The following THSD7B variants were observed in gnomAD, a reference collection of about 807,000 sequenced individuals.
THSD7B encodes thrombospondin type-1 domain-containing protein 7B.
THSD7B carries 138 observed loss-of-function variants against 213.6 expected under a neutral mutation model. The ratio of observed to expected loss-of-function variants is 0.65; its 90% confidence interval spans 0.56 to 0.74. THSD7B has a LOEUF of 0.74. THSD7B is among the 30% of genes least tolerant of loss of function. The pLI is 0.00. For synonymous variants in THSD7B, 742 were observed against 687.0 expected (o/e 1.08, Z -1.25); for missense variants, 1,931 against 1,991.5 (o/e 0.97, Z 0.58).
intron 2 of THSD7B, among the ~76,000 whole-genome samples, chr2:136,943,246 G>C (rs1462355010): frequency 1.3e-5 from 2 of 152,202 alleles, no homozygotes; most frequent in East Asian, 3.8e-4. Flanking sequence ...GATTGTGGTG[G>C]ATAAGCTTTT....
At chr2:136,934,032 A>C (rs2105051874) in intron 2 of THSD7B, among the ~76,000 whole-genome samples, 1 of 152,316 alleles carries the variant, frequency 6.6e-6, no homozygotes, top group East Asian at 1.9e-4. Context: ...CTTTCTCTAC[A>C]AGCCTCATTG....
intron 2 of THSD7B, among the ~76,000 whole-genome samples, chr2:136,932,559 C>A (rs1429137354): frequency 6.6e-6 from 1 of 152,002 alleles, no homozygotes; most frequent in Non-Finnish European, 1.5e-5. Context: ...ATTTTATATA[C>A]CATATTCTTA....
At chr2:136,806,906 A>G (rs1002272174) in intron 1 of THSD7B, among the ~76,000 whole-genome samples, 2 of 152,108 alleles carry the variant, frequency 1.3e-5, no homozygotes, top group Admixed American at 6.5e-5. Context: ...TGAAGAGTTC[A>G]TAGTCAGGGA....
At chr2:137,021,376 T>C (rs1320388291) in intron 2 of THSD7B, among the ~76,000 whole-genome samples, 2 of 152,202 alleles carry the variant, frequency 1.3e-5, no homozygotes, top group African/African-American at 2.4e-5. Flanking sequence ...TTGCATAGTT[T>C]TGATGTCTGG....
intron 15 of THSD7B, among the ~76,000 whole-genome samples, chr2:137,541,681 T>A (rs1445693957): frequency 6.6e-6 from 1 of 151,702 alleles, no homozygotes; most frequent in Non-Finnish European, 1.5e-5. Context: ...TTTAAATATG[T>A]TCAAAGCACT....
At chr2:137,384,476 C>T (rs550992354) in intron 12 of THSD7B, among the ~76,000 whole-genome samples, 2 of 152,082 alleles carry the variant, frequency 1.3e-5, no homozygotes, top group African/African-American at 2.4e-5. Context: ...CTCTTTCTGC[C>T]AGCATGGGTG....
intron 12 of THSD7B, among the ~76,000 whole-genome samples, chr2:137,346,188 C>T (rs1024560724): frequency 4.6e-4 from 69 of 151,644 alleles, no homozygotes; most frequent in African/African-American, 1.6e-3. Context: ...TGCAACAGAT[C>T]TCTAGAACAG....
rs1332713279 is a variant in THSD7B at position 136,933,108 on chromosome 2, A to ATTCATTCCTTCCTTCCTTCCTTCC, written c.139+50794_139+50795insATTCCTTCCTTCCTTCCTTCCTTC. 4.6e-5 allele frequency among the ~76,000 whole-genome samples: 6 copies of ATTCATTCCTTCCTTCCTTCCTTCC among 130,776 alleles called. No individual in the cohort carries two copies. The South Asian group carries it at 8.1e-4, about 18-fold the overall frequency. 85.8% of individuals were successfully genotyped at this position (130,776 alleles called of 152,430 possible). On this transcript the variant is annotated intron_variant, in intron 2 of 27. Transcript: ENST00000409968. ...TTGTAGATTATATATTTTGCCCGCCATTCCTTCCTTCCTTCCTTCCTTCCT... is the reference window on the plus strand; with the variant it reads ...TTGTAGATTATATATTTTGCCCGCCATTCATTCCTTCCTTCCTTCCTTCCTTCCTTCCTTCCTTCCTTCCTTCCT...
At chr2:137,074,716 G>T (rs1292190214) in intron 3 of THSD7B, among the ~76,000 whole-genome samples, 1 of 152,124 alleles carries the variant, frequency 6.6e-6, no homozygotes. Context: ...TTTTGCAGTG[G>T]CTGGTTCCGG....
At position 137,344,923 on chromosome 2, in the gene THSD7B, A is replaced by T. The variant is rs560176217; in HGVS notation, c.2501-60690A>T. On this transcript the variant is annotated intron_variant, in intron 12 of 27. Transcript: ENST00000409968. ...GGGAGCCTGATATCTGGTAACTTAT[A>T]AGAATAAGACAAGTTGGTGATACCT... Among the ~76,000 whole-genome samples the T allele has an allele frequency of 6.6e-5, 10 of 151,724 alleles. No homozygotes were observed. In the South Asian group the frequency reaches 1.9e-3, roughly 28 times the overall value.
chr2:137,619,507 C>T (rs755215972), intron 19 of THSD7B, among the ~76,000 whole-genome samples: 1 of 152,132 alleles, frequency 6.6e-6, no homozygotes, highest in Non-Finnish European at 1.5e-5. Context: ...TGATACAGGG[C>T]AGAATGCTGT....
At chr2:136,975,048 T>G (rs886954770) in intron 2 of THSD7B, among the ~76,000 whole-genome samples, 10 of 151,736 alleles carry the variant, frequency 6.6e-5, no homozygotes, top group South Asian at 2.1e-4. Flanking sequence ...TGGTTTGTTT[T>G]TTTTTTTTTT....
In THSD7B at chr2:137,316,893, A is replaced by C. The variant is rs566982721; in HGVS notation, c.2500+40867A>C. Among the ~76,000 whole-genome samples the C allele has an allele frequency of 3.9e-5, 6 of 152,332 alleles. No homozygotes were observed. In the South Asian group the frequency reaches 1.2e-3, roughly 32 times the overall value. ...TTTATAATCATTGACTGTTGTTAAC[A>C]TTGCATAAATGTATTACTCCCAGCA... On this transcript the variant is annotated intron_variant, in intron 12 of 27. Coordinates refer to ENST00000409968, the MANE Select transcript of THSD7B (RefSeq NM_001316349.2).
rs1683582633 is a variant in THSD7B at position 137,300,869 on chromosome 2, GA to G, written c.2500+24844del. On this transcript the variant is annotated intron_variant, in intron 12 of 27. Transcript: ENST00000409968. ...ACTCGTGTAGTGACTGAGGAGAGTAGAGGACAAGATAGGTCAGTGAGGACAG... is the reference window on the plus strand; with the variant it reads ...ACTCGTGTAGTGACTGAGGAGAGTAGGGACAAGATAGGTCAGTGAGGACAG... Among the ~76,000 whole-genome samples, 3 of 152,108 alleles carry G rather than the reference GA, an allele frequency of 2.0e-5. No homozygotes were observed. The South Asian group carries it at 6.3e-4, about 32-fold the overall frequency.
intron 1 of THSD7B, among the ~76,000 whole-genome samples, chr2:136,784,151 C>T (rs905226128): frequency 1.3e-4 from 20 of 152,252 alleles, no homozygotes; most frequent in African/African-American, 4.1e-4. Flanking sequence ...ATACGACTCA[C>T]CTTTACCCTG....
chr2:137,601,888 C>T (rs1682081595), intron 17 of THSD7B, among the ~76,000 whole-genome samples: 1 of 152,164 alleles, frequency 6.6e-6, no homozygotes, highest in South Asian at 2.1e-4. Flanking sequence ...CATCTGTATC[C>T]TTTCAGCTCC....
chr2:136,837,745 A>G (rs539672526), intron 1 of THSD7B, among the ~76,000 whole-genome samples: 1 of 152,234 alleles, frequency 6.6e-6, no homozygotes, highest in Non-Finnish European at 1.5e-5. Context: ...AATTACATTC[A>G]TCTTTTTTTC....
intron 5 of THSD7B, among the ~76,000 whole-genome samples, chr2:137,160,003 C>A (rs1216003470): frequency 6.6e-6 from 1 of 152,230 alleles, no homozygotes; most frequent in African/African-American, 2.4e-5. Flanking sequence ...AGCGCATGCA[C>A]TTTGCCTCTG....
intron 3 of THSD7B, among the ~76,000 whole-genome samples, chr2:137,079,322 G>A (rs1573809498): frequency 6.6e-6 from 1 of 152,070 alleles, no homozygotes; most frequent in East Asian, 1.9e-4. Context: ...ACCAAAAATA[G>A]TTAAGTTATA....
Sources: allele counts gnomAD v4.1 joint callset (sites outside exome capture counted in the v4.1 genomes callset), GRCh38; gene constraint gnomAD v4.1.1; transcripts MANE v1.5; gene names NCBI Gene and HGNC (gene_info 2026-07-23, HGNC 2026-07-21).